Variants in OSBPL5 observed in about 807,000 individuals in gnomAD.
The protein encoded by OSBPL5 is oxysterol binding protein like 5, also known as oxysterol-binding protein-related protein 5.
OSBPL5 carries 71 observed loss-of-function variants against 111.2 expected under a neutral mutation model. The observed-to-expected ratio is 0.64, with a 90% CI of 0.53 to 0.78. The LOEUF (loss-of-function observed/expected upper bound fraction) is 0.78. Among genes scored for constraint, OSBPL5 ranks in the 30% least tolerant of loss-of-function variants. The pLI, the probability that OSBPL5 is intolerant of heterozygous loss-of-function variation, is 0.00. For synonymous variants in OSBPL5, 549 were observed against 513.9 expected, an observed-to-expected ratio of 1.07 and a Z score of -0.93; for missense variants, 1,210 against 1,189.3, an observed-to-expected ratio of 1.02 and a Z score of -0.26.
chr11:3,163,386 G>T (rs1181232499), intron 1 of OSBPL5, among the ~76,000 whole-genome samples: 1 of 152,104 alleles, frequency 6.6e-6, no homozygotes, highest in Non-Finnish European at 1.5e-5. Flanking sequence ...TCCACCCGCC[G>T]GCTTGTCACA....
chr11:3,157,903 C>T (rs1447614312), intron 1 of OSBPL5, among the ~76,000 whole-genome samples: 5 of 152,226 alleles, frequency 3.3e-5, no homozygotes, highest in East Asian at 1.9e-4. Flanking sequence ...CCACGGCAGC[C>T]GTGTGTGTTC....
chr11:3,141,117 A>C lies in OSBPL5; in HGVS notation c.-21-11948T>G, dbSNP rs1036385670. ...ACCACCTAACAACAGAAACAACGTCAACCCATAAAGCCTCATTCCAGGCAG... is the reference window on the plus strand; with the variant it reads ...ACCACCTAACAACAGAAACAACGTCCACCCATAAAGCCTCATTCCAGGCAG... On this transcript the variant is annotated intron_variant, in intron 1 of 21. Transcript: ENST00000263650. The surrounding 1 kb of genome is among the most constrained non-coding windows in gnomAD (Gnocchi z 6.5). Among the ~76,000 whole-genome samples the C allele has an allele frequency of 8.0e-5, 12 of 149,566 alleles. No homozygotes were observed. The highest frequency in any genetic ancestry group is 2.1e-4 in the South Asian group (1 of 4,730).
rs1306845815 is a variant in OSBPL5, at chr11:3,120,416, A to G, written c.606+5T>C. The G allele has an allele frequency of 6.2e-7, 1 of 1,611,818 alleles. No homozygotes were observed. Among genetic ancestry groups the G allele is most frequent in the South Asian group, 1.1e-5 (1 of 90,916 alleles). On this transcript the variant is annotated splice_donor_5th_base_variant and intron_variant, in intron 6 of 21. Coordinates refer to ENST00000263650, the MANE Select transcript of OSBPL5 (RefSeq NM_020896.4). ...TCTGTCTTCAACCCCACCCCTCCGCAGCACCTTCACGGCCCAGACGGACTG... is the reference window on the plus strand; with the variant it reads ...TCTGTCTTCAACCCCACCCCTCCGCGGCACCTTCACGGCCCAGACGGACTG...
Position 3,090,579 on chromosome 11 carries a change from G to C in OSBPL5, c.2377C>G (p.Gln793Glu), listed in dbSNP as rs1857021767. 2 of 1,613,036 alleles carry C rather than the reference G, an allele frequency of 1.2e-6. No individual in the cohort carries two copies. Among genetic ancestry groups the C allele is most frequent in the East Asian group, 4.5e-5 (2 of 44,882 alleles). The change falls in exon 20 of 22, where the codon CAG becomes GAG. Residue 793 changes from glutamine (Q) to glutamate (E), a missense_variant. Coordinates refer to ENST00000263650, the MANE Select transcript of OSBPL5 (RefSeq NM_020896.4). ...ESCPELSDEEQDGDFVPGGES... is the reference protein window; with the variant it reads ...ESCPELSDEEEDGDFVPGGES... ...TCACCAGGGACAAAGTCACCATCCTGCTCCTCGTCTGAGAGCTCTGGGCAG... is the reference window on the plus strand; with the variant it reads ...TCACCAGGGACAAAGTCACCATCCTCCTCCTCGTCTGAGAGCTCTGGGCAG...
chr11:3,157,397 C>T (rs921343976), intron 1 of OSBPL5, among the ~76,000 whole-genome samples: 17 of 152,164 alleles, frequency 1.1e-4, no homozygotes, highest in African/African-American at 3.1e-4. Context: ...CCAGGAGACC[C>T]GGGGAGGCCA....
At chr11:3,137,525 C>T (rs76882155) in intron 1 of OSBPL5, among the ~76,000 whole-genome samples, 3,222 of 152,248 alleles carry the variant, frequency 0.021, 48 homozygotes, top group Non-Finnish European at 0.029. Flanking sequence ...TGCAGTGGGC[C>T]GGGTGTACTG....
chr11:3,113,059 T>C lies in OSBPL5; in HGVS notation c.692-5114A>G, dbSNP rs982744742. Among the ~76,000 whole-genome samples the C allele has an allele frequency of 5.3e-5, 8 of 152,202 alleles. No individual in the cohort carries two copies. Among genetic ancestry groups the C allele is most frequent in the African/African-American group, 1.4e-4 (6 of 41,450 alleles). On this transcript the variant is annotated intron_variant, in intron 7 of 21. Transcript: ENST00000263650. The surrounding 1 kb of genome is among the most constrained non-coding windows in gnomAD (Gnocchi z 4.8). ...ACACAATGTTTCACTACTGAAAATA[T>C]ATAAAAGGGCTCTAATTGATTGGCT...
chr11:3,093,441 C>T (rs983626788), intron 17 of OSBPL5, 86 bp downstream of exon 17: 3 of 1,546,780 alleles, frequency 1.9e-6, no homozygotes, highest in African/African-American at 2.7e-5. Flanking sequence ...TGGGGCCATG[C>T]TCACAGCACT....
chr11:3,097,428 G>T (rs1857313437), intron 14 of OSBPL5, among the ~76,000 whole-genome samples: 1 of 152,178 alleles, frequency 6.6e-6, no homozygotes, highest in East Asian at 1.9e-4. Context: ...CCATGAATGT[G>T]TAGGGTAAGT....
At chr11:3,098,985 T>G (rs1296271054) in intron 14 of OSBPL5, among the ~76,000 whole-genome samples, 5 of 151,796 alleles carry the variant, frequency 3.3e-5, no homozygotes, top group African/African-American at 9.7e-5. Flanking sequence ...GTACTTTTTG[T>G]AGAGACAGGG....
intron 11 of OSBPL5, among the ~76,000 whole-genome samples, chr11:3,102,517 C>T (rs900566632): frequency 6.6e-6 from 1 of 152,122 alleles, no homozygotes; most frequent in Non-Finnish European, 1.5e-5. Context: ...CTTCTTAGCT[C>T]GGAGAAGGGA....
intron 14 of OSBPL5, among the ~76,000 whole-genome samples, chr11:3,098,693 C>A (rs1009100912): frequency 6.6e-6 from 1 of 151,652 alleles, no homozygotes; most frequent in Non-Finnish European, 1.5e-5. Flanking sequence ...TTATTAGAGA[C>A]GGAGATTCTC....
chr11:3,088,427 C>A, intron 21 of OSBPL5, 84 bp from the exon 22 acceptor site: 1 of 1,348,246 alleles, frequency 7.4e-7, no homozygotes, highest in Non-Finnish European at 9.6e-7. Flanking sequence ...GCCCTGGGTA[C>A]TTGACCAGGT....
Position 3,126,528 on chromosome 11 carries a change from G to A in OSBPL5, c.164C>T (p.Ser55Leu), listed in dbSNP as rs370581882. ...CGGGGGCCCTTCATCCCTGGGCAGC[G>A]ACGGGCCGTTGGGCTCCATGTCCTT... The part of the protein sequence containing the change: ...PGKDMEPNGP[S>L]LPRDEGPPTP... The change falls in exon 3 of 22, where the codon TCG becomes TTG. Residue 55 changes from serine (S) to leucine (L), a missense_variant. Ser to Leu is a moderately radical substitution (Grantham distance 145). Transcript: ENST00000263650. This position sits in a 1 kb window ranked among gnomAD's most constrained non-coding sequence, Gnocchi z 6.5. 79 of 1,609,676 alleles carry A rather than the reference G, an allele frequency of 4.9e-5. No homozygotes were observed. The highest frequency in any genetic ancestry group is 6.1e-5 in the Non-Finnish European group (72 of 1,178,778).
chr11:3,153,236 G>A (rs1009406005), intron 1 of OSBPL5, among the ~76,000 whole-genome samples: 3 of 152,128 alleles, frequency 2.0e-5, no homozygotes, highest in South Asian at 4.1e-4. Context: ...GCATAGGGTT[G>A]TTTCAAGGGT....
Position 3,142,161 on chromosome 11 carries a change from T to G in OSBPL5, c.-21-12992A>C, listed in dbSNP as rs1846141100. On this transcript the variant is annotated intron_variant, in intron 1 of 21. Coordinates refer to ENST00000263650, the MANE Select transcript of OSBPL5 (RefSeq NM_020896.4). The surrounding 1 kb of genome is among the most constrained non-coding windows in gnomAD (Gnocchi z 7.1). ...CTCCAACTCCCGACCTCAAGTGATC[T>G]GCCCTCCTCGGCGTCCCAAAGTGCT... is the stretch of plus-strand genomic sequence containing the variant. Among the ~76,000 whole-genome samples the G allele has an allele frequency of 1.3e-5, 2 of 152,178 alleles. No individual in the cohort carries two copies. Among genetic ancestry groups the G allele is most frequent in the Non-Finnish European group, 2.9e-5 (2 of 68,032 alleles).
rs1034194734 is a variant in OSBPL5, at chr11:3,114,653, C to A, written c.691+4894G>T. Among the ~76,000 whole-genome samples, 12 of 125,942 alleles carry A rather than the reference C, an allele frequency of 9.5e-5. No homozygotes were observed. The South Asian group carries it at 2.6e-3, about 27-fold the overall frequency. The allele number at this position is 125,942 out of a possible 152,430, so 82.6% of individuals were successfully genotyped here. A position where few individuals can be genotyped will look rare whatever the true frequency, so the allele number is the denominator to read the frequency against. ...TCGCTCTGTTGCCCAGGCTGGAGTGCAGTGGCGTGATCTTGGCTCACTGCA... is the reference window on the plus strand; with the variant it reads ...TCGCTCTGTTGCCCAGGCTGGAGTGAAGTGGCGTGATCTTGGCTCACTGCA... On this transcript the variant is annotated intron_variant, in intron 7 of 21. Transcript: ENST00000263650.
At chr11:3,120,280 G>T in intron 6 of OSBPL5, 141 bp downstream of exon 6, 7 of 1,005,512 alleles carry the variant, frequency 7.0e-6, no homozygotes, top group Non-Finnish European at 1.0e-5. Flanking sequence ...GGCCGCATGT[G>T]GGGCTCAGAG....
At position 3,092,230 on chromosome 11, in the gene OSBPL5, C is replaced by A. The variant is rs1453060413; in HGVS notation, c.2259+202G>T. On this transcript the variant is annotated intron_variant, in intron 19 of 21. Transcript: ENST00000263650. This position sits in a 1 kb window ranked among gnomAD's most constrained non-coding sequence, Gnocchi z 5.4. The stretch of plus-strand genomic sequence containing the variant: ...ACACAGGGTCCCACAAGCCAAGGTG[C>A]CCCTAGAACTGAGCATCCTGCAAAT... Among the ~76,000 whole-genome samples, 1 of 152,116 alleles carries A rather than the reference C, an allele frequency of 6.6e-6. No homozygotes were observed. The highest frequency in any genetic ancestry group is 2.4e-5 in the African/African-American group (1 of 41,428).
Sources: gnomAD v4.1 joint callset for allele counts (sites outside exome capture counted in the v4.1 genomes callset) on GRCh38, gnomAD v4.1.1 for gene constraint, Gnocchi (gnomAD v3.1) non-coding constraint, MANE v1.5 for transcripts, NCBI Gene and HGNC (gene_info 2026-07-23, HGNC 2026-07-21) for gene names.